ZBTB16: variants seen among roughly 807,000 people sequenced by gnomAD.
ZBTB16 encodes the protein zinc finger and BTB domain-containing protein 16.
Under a neutral mutation model 56.8 loss-of-function variants are expected in ZBTB16, and 8 were observed. The ratio of observed to expected loss-of-function variants is 0.14; its 90% CI spans 0.08 to 0.25. The LOEUF (loss-of-function observed/expected upper bound fraction) is 0.25. ZBTB16 is among the 10% of genes least tolerant of loss of function. The pLI is 1.00. For synonymous variants in ZBTB16, 363 were observed against 368.5 expected (o/e 0.98, Z 0.17); for missense variants, 625 against 903.0 (o/e 0.69, Z 3.95).
intron 4 of ZBTB16, among the ~76,000 whole-genome samples, chr11:114,227,335 C>T (rs1325764723): frequency 1.3e-5 from 2 of 152,222 alleles, no homozygotes; most frequent in African/African-American, 4.8e-5. Flanking sequence ...GGTCAGCAGA[C>T]AGGGGAGGAT....
chr11:114,175,889 C>CCCA (rs1246304552), intron 3 of ZBTB16, among the ~76,000 whole-genome samples: 1 of 152,058 alleles, frequency 6.6e-6, no homozygotes, highest in Admixed American at 6.6e-5. Context: ...GGAGTAGGCA[C>CCCA]TTGGATCCCG....
chr11:114,081,492 C>A (rs1233464536), intron 2 of ZBTB16, among the ~76,000 whole-genome samples: 1 of 152,108 alleles, frequency 6.6e-6, no homozygotes, highest in Non-Finnish European at 1.5e-5. Flanking sequence ...TGGAGTGATT[C>A]ATTTTAAATT....
At chr11:114,207,594 C>G (rs866420529) in intron 4 of ZBTB16, among the ~76,000 whole-genome samples, 2,606 of 139,644 alleles carry the variant, frequency 0.019, 30 homozygotes, top group South Asian at 0.035. Context: ...ACACACAACA[C>G]ACACACACAC....
At chr11:114,114,562 C>T (rs377547825) in intron 2 of ZBTB16, among the ~76,000 whole-genome samples, 1 of 152,090 alleles carries the variant, frequency 6.6e-6, no homozygotes, top group East Asian at 1.9e-4. Context: ...AGGAACAGAA[C>T]ATACTTTTCA....
intron 2 of ZBTB16, among the ~76,000 whole-genome samples, chr11:114,142,319 T>C (rs1941973654): frequency 6.6e-6 from 1 of 152,188 alleles, no homozygotes; most frequent in Non-Finnish European, 1.5e-5. Flanking sequence ...CCCTGCCAAG[T>C]CTGTGCACAA....
intron 3 of ZBTB16, among the ~76,000 whole-genome samples, chr11:114,159,640 TG>T (rs1249782654): frequency 2.0e-5 from 3 of 152,220 alleles, no homozygotes; most frequent in South Asian, 2.1e-4. Context: ...CTGGACTTGT[TG>T]GGGAGTTGGG....
chr11:114,165,588 G>A (rs1942725687), intron 3 of ZBTB16, among the ~76,000 whole-genome samples: 1 of 152,196 alleles, frequency 6.6e-6, no homozygotes. Flanking sequence ...TCTGGGTTTG[G>A]TGGGGCCTGA....
intron 2 of ZBTB16, among the ~76,000 whole-genome samples, chr11:114,116,293 G>C (rs937419427): frequency 6.6e-6 from 1 of 152,120 alleles, no homozygotes; most frequent in Admixed American, 6.5e-5. Flanking sequence ...TTAATCCTTG[G>C]GTATAGAGGC....
At position 114,063,111 on chromosome 11, in the gene ZBTB16, G is replaced by C; in HGVS notation, c.-90-100G>C. The stretch of plus-strand genomic sequence containing the variant: ...TAAGGGCTTGGCAACAGGGAGGAGG[G>C]GGCATGTTGTAGTGGTTGAATTCTT... On this transcript the variant is annotated intron_variant, in intron 1 of 6. Transcript: ENST00000335953. The surrounding 1 kb of genome is among the most constrained non-coding windows in gnomAD (Gnocchi z 6.5). The C allele has an allele frequency of 1.6e-6, 1 of 634,370 alleles. No individual in the cohort carries two copies. Among genetic ancestry groups the C allele is most frequent in the Non-Finnish European group, 2.8e-6 (1 of 362,644 alleles). 39.3% of individuals were successfully genotyped at this position (634,370 alleles called of 1,614,324 possible).
chr11:114,153,139 A>C (rs1012217758), intron 2 of ZBTB16, among the ~76,000 whole-genome samples: 3 of 152,202 alleles, frequency 2.0e-5, no homozygotes, highest in Non-Finnish European at 4.4e-5. Context: ...AATGCACTGA[A>C]ATCCTCCACC....
chr11:114,197,839 T>C (rs1056986363), intron 4 of ZBTB16, among the ~76,000 whole-genome samples: 5 of 152,092 alleles, frequency 3.3e-5, no homozygotes, highest in Non-Finnish European at 7.4e-5. Context: ...CTGCTGGCCT[T>C]GCCCCCTCCT....
chr11:114,117,534 T>G (rs1941209074), intron 2 of ZBTB16, among the ~76,000 whole-genome samples: 1 of 150,522 alleles, frequency 6.6e-6, no homozygotes, highest in Non-Finnish European at 1.5e-5. Flanking sequence ...TCATGTTGAT[T>G]GGGGGTGAAG....
At chr11:114,110,075 C>T (rs1458716018) in intron 2 of ZBTB16, among the ~76,000 whole-genome samples, 6 of 151,228 alleles carry the variant, frequency 4.0e-5, no homozygotes, top group Non-Finnish European at 7.4e-5. Flanking sequence ...AGAGAAGGGG[C>T]GTGAAGAATG....
intron 2 of ZBTB16, among the ~76,000 whole-genome samples, chr11:114,077,089 T>C (rs906823394): frequency 6.6e-6 from 1 of 152,184 alleles, no homozygotes; most frequent in Non-Finnish European, 1.5e-5. Context: ...TGCTTCCAGA[T>C]ATGGCCGAGG....
chr11:114,231,885 C>T (rs554239375), intron 4 of ZBTB16, among the ~76,000 whole-genome samples: 2 of 152,268 alleles, frequency 1.3e-5, no homozygotes, highest in Non-Finnish European at 2.9e-5. Flanking sequence ...CTTTAAGGAT[C>T]ACTTATATCC....
chr11:114,182,046 G>C (rs1943261793), intron 3 of ZBTB16, among the ~76,000 whole-genome samples: 1 of 151,894 alleles, frequency 6.6e-6, no homozygotes, highest in Admixed American at 6.6e-5. Context: ...TCAATGCTTT[G>C]TTGTTGTTAT....
chr11:114,212,693 G>A (rs1227251477), intron 4 of ZBTB16, among the ~76,000 whole-genome samples: 3 of 152,136 alleles, frequency 2.0e-5, no homozygotes, highest in African/African-American at 7.2e-5. Context: ...GAAGATAAAT[G>A]TAATGATACC....
chr11:114,204,382 C>T (rs1457593525), intron 4 of ZBTB16, among the ~76,000 whole-genome samples: 1 of 152,154 alleles, frequency 6.6e-6, no homozygotes, highest in Non-Finnish European at 1.5e-5. Flanking sequence ...TCAGGTGATC[C>T]ACCCACCTCA....
chr11:114,083,427 G>C (rs768501123), intron 2 of ZBTB16, among the ~76,000 whole-genome samples: 2 of 152,182 alleles, frequency 1.3e-5, no homozygotes, highest in Non-Finnish European at 2.9e-5. Context: ...GCTTGAAAAG[G>C]AGCCATGCCC....
Sources: allele counts gnomAD v4.1 joint callset (sites outside exome capture counted in the v4.1 genomes callset), GRCh38; gene constraint gnomAD v4.1.1; non-coding constraint Gnocchi (gnomAD v3.1); transcripts MANE v1.5; gene names NCBI Gene and HGNC (gene_info 2026-07-23, HGNC 2026-07-21).